The following ENTPD1 variants were observed in gnomAD, a reference collection of about 807,000 sequenced individuals.
ENTPD1 encodes the protein ATP diphosphohydrolase.
Under a neutral mutation model 57.0 loss-of-function variants are expected in ENTPD1, and 33 were observed. The observed-to-expected ratio is 0.58, with a 90% CI of 0.44 to 0.77. The LOEUF (loss-of-function observed/expected upper bound fraction) is 0.77, where lower values mean the gene tolerates loss of function less well. ENTPD1 is among the 30% of genes least tolerant of loss of function. The probability of loss-of-function intolerance (pLI) is 0.00; values close to 1 mark genes in which losing one functional copy is unlikely to be tolerated. For missense variants in ENTPD1, 501 were observed against 603.4 expected, an observed-to-expected ratio of 0.83 and a Z score of 1.78; for synonymous variants, 202 against 218.8, an observed-to-expected ratio of 0.92 and a Z score of 0.68.
chr10:95,818,425 C>A (rs1202307188), intron 1 of ENTPD1, among the ~76,000 whole-genome samples: 1 of 152,112 alleles, frequency 6.6e-6, no homozygotes, highest in Non-Finnish European at 1.5e-5. Context: ...TGGCACACAG[C>A]AGGACATAGG....
At chr10:95,808,098 A>G (rs1175096361) in intron 1 of ENTPD1, among the ~76,000 whole-genome samples, 1 of 152,158 alleles carries the variant, frequency 6.6e-6, no homozygotes, top group African/African-American at 2.4e-5. Context: ...TTCCCTCAAT[A>G]CCTAATTTAC....
chr10:95,826,322 A>C (rs3901451), intron 2 of ENTPD1, among the ~76,000 whole-genome samples: 101,749 of 151,240 alleles, frequency 0.67, 34,702 homozygotes, highest in Admixed American at 0.74. Context: ...CCTGTAATCG[A>C]AGCAGTTTGG....
intron 8 of ENTPD1, among the ~76,000 whole-genome samples, chr10:95,861,060 G>A (rs1802958619): frequency 6.6e-6 from 1 of 152,230 alleles, no homozygotes; most frequent in African/African-American, 2.4e-5. Flanking sequence ...GGATTGACTG[G>A]GAAAACCAGG....
At chr10:95,835,539 A>C (rs2098407672) in intron 2 of ENTPD1, among the ~76,000 whole-genome samples, 1 of 152,178 alleles carries the variant, frequency 6.6e-6, no homozygotes, top group Non-Finnish European at 1.5e-5. Flanking sequence ...GGGCTGAATA[A>C]ATTTGCATTC....
chr10:95,709,272 T>G (rs2097963725), upstream of ENTPD1, among the ~76,000 whole-genome samples: 1 of 152,238 alleles, frequency 6.6e-6, no homozygotes, highest in Non-Finnish European at 1.5e-5. Context: ...GTTCATGAAA[T>G]TTTAATGCAT....
chr10:95,748,980 G>T (rs2098008962), intron 1 of ENTPD1, among the ~76,000 whole-genome samples: 1 of 152,034 alleles, frequency 6.6e-6, no homozygotes, highest in Admixed American at 6.6e-5. Flanking sequence ...TTCCATTTTT[G>T]GGAAGACAGC....
At chr10:95,780,744 A>T (rs2098154140) in intron 1 of ENTPD1, among the ~76,000 whole-genome samples, 1 of 152,230 alleles carries the variant, frequency 6.6e-6, no homozygotes, top group Admixed American at 6.5e-5. Context: ...TGTGGGGTCC[A>T]GCTGTAGGGG....
chr10:95,799,366 G>T (rs188391636), intron 1 of ENTPD1, among the ~76,000 whole-genome samples: 2 of 152,094 alleles, frequency 1.3e-5, no homozygotes, highest in Admixed American at 1.3e-4. Context: ...TCATCATTTG[G>T]CTCTCACTTA....
At chr10:95,712,122 G>T in intron 1 of ENTPD1, 1 of 1,383,948 alleles carries the variant, frequency 7.2e-7, no homozygotes, top group Non-Finnish European at 1.0e-6. Context: ...AAAAGGATTT[G>T]TGTGACTAGT....
chr10:95,739,099 T>G (rs2097997605), intron 1 of ENTPD1, among the ~76,000 whole-genome samples: 1 of 152,214 alleles, frequency 6.6e-6, no homozygotes, highest in Non-Finnish European at 1.5e-5. Flanking sequence ...TAAAAATACT[T>G]TATTGTTAAA....
At chr10:95,798,948 G>C (rs2098237458) in intron 1 of ENTPD1, among the ~76,000 whole-genome samples, 1 of 152,204 alleles carries the variant, frequency 6.6e-6, no homozygotes, top group Non-Finnish European at 1.5e-5. Context: ...TGAGCAAGAA[G>C]CACACAGATT....
chr10:95,720,406 A>G (rs1225071191), intron 1 of ENTPD1, among the ~76,000 whole-genome samples: 2 of 152,168 alleles, frequency 1.3e-5, no homozygotes, highest in East Asian at 3.9e-4. Flanking sequence ...ATAATTAGAA[A>G]AGCATGTGAA....
At chr10:95,778,914 T>C (rs2140164981) in intron 1 of ENTPD1, among the ~76,000 whole-genome samples, 1 of 152,336 alleles carries the variant, frequency 6.6e-6, no homozygotes, top group South Asian at 2.1e-4. Flanking sequence ...TTATAGTTAA[T>C]GAGTCTTAGA....
chr10:95,821,435 T>C (rs538075714), intron 1 of ENTPD1, among the ~76,000 whole-genome samples: 1 of 151,876 alleles, frequency 6.6e-6, no homozygotes, highest in South Asian at 2.1e-4. Context: ...GAATGTTTTC[T>C]TTTTTCCCTA....
chr10:95,711,727 C>T (rs143839303), upstream of ENTPD1: 1,488 of 545,558 alleles, frequency 2.7e-3, 43 homozygotes, highest in Admixed American at 0.039. Flanking sequence ...AGGTCACAGG[C>T]ATGTGACACT....
chr10:95,812,174 C>T (rs1304238881), intron 1 of ENTPD1, among the ~76,000 whole-genome samples: 1 of 152,088 alleles, frequency 6.6e-6, no homozygotes, highest in South Asian at 2.1e-4. Context: ...GTCATTTAAC[C>T]ACCATCACAA....
At chr10:95,814,723 TC>T (rs2098323906) in intron 1 of ENTPD1, among the ~76,000 whole-genome samples, 1 of 152,178 alleles carries the variant, frequency 6.6e-6, no homozygotes, top group Non-Finnish European at 1.5e-5. Context: ...AATTAAAAGT[TC>T]AAAGAGTGGA....
intron 1 of ENTPD1, among the ~76,000 whole-genome samples, chr10:95,736,001 G>GTTTTT (rs35402062): frequency 4.5e-5 from 6 of 134,304 alleles, no homozygotes; most frequent in Admixed American, 1.5e-4. Flanking sequence ...CATTTTCAAA[G>GTTTTT]TTTTTTTTTT....
chr10:95,699,466 G>A, the ENTPD1 span, among the ~76,000 whole-genome samples: 1 of 151,978 alleles, frequency 6.6e-6, no homozygotes, highest in African/African-American at 2.4e-5. Context: ...AAATTAGCCA[G>A]GTGTGGTAGT....
Sources: allele counts gnomAD v4.1 joint callset (sites outside exome capture counted in the v4.1 genomes callset), GRCh38; gene constraint gnomAD v4.1.1; transcripts MANE v1.5; gene names NCBI Gene and HGNC (gene_info 2026-07-23, HGNC 2026-07-21).